Variants in JAZF1 observed in about 807,000 individuals in gnomAD.
JAZF1 encodes the protein JAZF zinc finger 1, also known as juxtaposed with another zinc finger protein 1.
Under a neutral mutation model 26.4 loss-of-function variants are expected in JAZF1, and 8 were observed. The observed-to-expected ratio is 0.30, with a 90% CI of 0.18 to 0.55. The LOEUF is 0.55. Ranked by LOEUF, JAZF1 falls within the 20% of genes least tolerant of loss-of-function variation. JAZF1 has a pLI of 0.94. For missense variants in JAZF1, 199 were observed against 322.0 expected, an observed-to-expected ratio of 0.62 and a Z score of 2.92; for synonymous variants, 126 against 122.3, an observed-to-expected ratio of 1.03 and a Z score of -0.20.
intron 1 of JAZF1, among the ~76,000 whole-genome samples, chr7:28,039,597 A>T (rs1176398113): frequency 6.6e-6 from 1 of 152,202 alleles, no homozygotes; most frequent in Non-Finnish European, 1.5e-5. Flanking sequence ...TCTTTTCAGT[A>T]TGTTACAGCA....
chr7:28,109,086 C>T (rs1367830045), intron 1 of JAZF1, among the ~76,000 whole-genome samples: 2 of 152,080 alleles, frequency 1.3e-5, no homozygotes, highest in Non-Finnish European at 2.9e-5. Context: ...AAGCCATTAG[C>T]TAAAGGATAT....
At chr7:28,095,393 A>C (rs1396694140) in intron 1 of JAZF1, among the ~76,000 whole-genome samples, 1 of 152,128 alleles carries the variant, frequency 6.6e-6, no homozygotes, top group African/African-American at 2.4e-5. Context: ...GATCTTCACA[A>C]GCAGGGAGGA....
At chr7:28,155,537 A>G (rs1403457961) in intron 1 of JAZF1, among the ~76,000 whole-genome samples, 2 of 152,156 alleles carry the variant, frequency 1.3e-5, no homozygotes, top group African/African-American at 4.8e-5. Flanking sequence ...TTCAGAGGGG[A>G]AATGAGTAAT....
intron 2 of JAZF1, among the ~76,000 whole-genome samples, chr7:27,899,466 T>A (rs550338975): frequency 6.6e-6 from 1 of 152,304 alleles, no homozygotes; most frequent in African/African-American, 2.4e-5. Context: ...AGACAGGGTC[T>A]CGCTGTCACC....
intron 2 of JAZF1, among the ~76,000 whole-genome samples, chr7:27,947,194 T>C (rs139906622): frequency 3.7e-4 from 56 of 152,376 alleles, no homozygotes; most frequent in Middle Eastern, 6.8e-3. Flanking sequence ...TACATTTTCA[T>C]TGTCGTCAAG....
Position 27,993,486 on chromosome 7 carries a change from C to T in JAZF1, c.116-1505G>A, listed in dbSNP as rs558057146. Among the ~76,000 whole-genome samples, 3 of 152,268 alleles carry T rather than the reference C, an allele frequency of 2.0e-5. No homozygotes were observed. In the East Asian group the frequency reaches 5.8e-4, roughly 29 times the overall value. Reference sequence around the variant, plus strand: ...CACACTCATTTAAATTTGCTGTAATCCCAACATATATCCATGCTTCTGAGA... The same window carrying T: ...CACACTCATTTAAATTTGCTGTAATTCCAACATATATCCATGCTTCTGAGA... On this transcript the variant is annotated intron_variant, in intron 1 of 4. Transcript: ENST00000283928.
At chr7:27,883,665 A>G (rs930170068) in intron 3 of JAZF1, among the ~76,000 whole-genome samples, 5 of 152,332 alleles carry the variant, frequency 3.3e-5, no homozygotes, top group African/African-American at 1.2e-4. Flanking sequence ...TTCTCAATGT[A>G]AGGAAGCACT....
chr7:28,067,202 G>C (rs1783897323), intron 1 of JAZF1, among the ~76,000 whole-genome samples: 2 of 152,106 alleles, frequency 1.3e-5, no homozygotes, highest in Admixed American at 1.3e-4. Context: ...GGAAAGGCTG[G>C]GTCTGAAAAA....
At chr7:27,924,814 T>C (rs1445165255) in intron 2 of JAZF1, among the ~76,000 whole-genome samples, 1 of 152,234 alleles carries the variant, frequency 6.6e-6, no homozygotes, top group East Asian at 1.9e-4. Flanking sequence ...CGCATAAAGC[T>C]GCTTTAATTT....
At chr7:27,979,187 C>T (rs561532362) in intron 2 of JAZF1, among the ~76,000 whole-genome samples, 8 of 151,846 alleles carry the variant, frequency 5.3e-5, no homozygotes, top group African/African-American at 1.7e-4. Flanking sequence ...TGAAAAGAAT[C>T]GAGTATAAAA....
At chr7:28,120,743 A>T (rs1316763884) in intron 1 of JAZF1, among the ~76,000 whole-genome samples, 1 of 151,860 alleles carries the variant, frequency 6.6e-6, no homozygotes, top group African/African-American at 2.4e-5. Flanking sequence ...CTGGGAAGCC[A>T]CCCCAAGTGG....
At chr7:27,903,200 T>C (rs1185334899) in intron 2 of JAZF1, among the ~76,000 whole-genome samples, 1 of 152,134 alleles carries the variant, frequency 6.6e-6, no homozygotes, top group African/African-American at 2.4e-5. Flanking sequence ...CTTTACTGAT[T>C]CTGCAGGCAT....
chr7:27,861,890 G>A lies in JAZF1; in HGVS notation c.386-21023C>T, dbSNP rs548618763. On this transcript the variant is annotated intron_variant, in intron 3 of 4. Transcript: ENST00000283928. Reference sequence around the variant, plus strand: ...ATCCTGGGTGGTGTGAGTGGCTGTGGGTAGAGAAAGGGCACTGGACTTCTA... The same window carrying A: ...ATCCTGGGTGGTGTGAGTGGCTGTGAGTAGAGAAAGGGCACTGGACTTCTA... Among the ~76,000 whole-genome samples the A allele has an allele frequency of 8.5e-5, 13 of 152,310 alleles. No homozygotes were observed. The East Asian group carries it at 2.5e-3, about 29-fold the overall frequency.
At chr7:27,999,521 C>G (rs1462243499) in intron 1 of JAZF1, among the ~76,000 whole-genome samples, 2 of 152,194 alleles carry the variant, frequency 1.3e-5, no homozygotes, top group South Asian at 2.1e-4. Flanking sequence ...GAAAGGAAAC[C>G]TTTCCCTCCT....
chr7:28,066,952 G>A (rs1490602442), intron 1 of JAZF1, among the ~76,000 whole-genome samples: 1 of 152,134 alleles, frequency 6.6e-6, no homozygotes, highest in African/African-American at 2.4e-5. Flanking sequence ...AGAAGAACTA[G>A]CAGGTACCTC....
intron 2 of JAZF1, among the ~76,000 whole-genome samples, chr7:27,931,905 C>G (rs1433265439): frequency 6.6e-6 from 1 of 151,550 alleles, no homozygotes; most frequent in Non-Finnish European, 1.5e-5. Context: ...AAAGTGAGAC[C>G]CTGTCTCGAA....
chr7:27,999,645 C>T (rs757524762), intron 1 of JAZF1, among the ~76,000 whole-genome samples: 9 of 152,124 alleles, frequency 5.9e-5, no homozygotes, highest in Non-Finnish European at 1.0e-4. Flanking sequence ...TCTTATCAGC[C>T]CATTAAAATG....
At chr7:27,990,307 A>T (rs1159908472) in intron 2 of JAZF1, among the ~76,000 whole-genome samples, 3 of 152,166 alleles carry the variant, frequency 2.0e-5, no homozygotes, top group African/African-American at 7.2e-5. Flanking sequence ...GGTGAGAGGG[A>T]TAGCATTAGG....
chr7:27,951,183 C>A (rs1330637468), intron 2 of JAZF1, among the ~76,000 whole-genome samples: 1 of 152,114 alleles, frequency 6.6e-6, no homozygotes, highest in African/African-American at 2.4e-5. Flanking sequence ...TATAATTAAG[C>A]TTATCACTCC....
Sources: gnomAD v4.1 joint callset for allele counts (sites outside exome capture counted in the v4.1 genomes callset) on GRCh38, gnomAD v4.1.1 for gene constraint, MANE v1.5 for transcripts, NCBI Gene and HGNC (gene_info 2026-07-23, HGNC 2026-07-21) for gene names.